Variants in FGD4 observed in about 807,000 individuals in gnomAD.
The protein encoded by FGD4 is FYVE, RhoGEF and PH domain containing 4, also known as FYVE, RhoGEF and PH domain-containing protein 4.
A neutral mutation model predicts 102.0 loss-of-function variants in FGD4; 42 were observed. That is an observed-to-expected ratio of 0.41 (90% CI 0.32 to 0.53). The LOEUF (loss-of-function observed/expected upper bound fraction) is 0.53, where lower values mean the gene tolerates loss of function less well. FGD4 is among the 20% of genes least tolerant of loss of function. FGD4 has a pLI of 0.21. For synonymous variants in FGD4, 380 were observed against 375.7 expected, an observed-to-expected ratio of 1.01 and a Z score of -0.13; for missense variants, 902 against 1,078.2, an observed-to-expected ratio of 0.84 and a Z score of 2.29.
intron 1 of FGD4, among the ~76,000 whole-genome samples, chr12:32,507,445 G>A (rs1938892529): frequency 6.6e-6 from 1 of 152,178 alleles, no homozygotes; most frequent in South Asian, 2.1e-4. Context: ...GTAATCTGGT[G>A]CAGTGAAAGT....
intron 1 of FGD4, among the ~76,000 whole-genome samples, chr12:32,549,794 G>A (rs1943509085): frequency 6.6e-6 from 1 of 152,150 alleles, no homozygotes; most frequent in South Asian, 2.1e-4. Flanking sequence ...ACACAAAACA[G>A]CATTCTTCTT....
intron 1 of FGD4, among the ~76,000 whole-genome samples, chr12:32,543,075 C>T (rs969788591): frequency 6.6e-5 from 10 of 152,152 alleles, no homozygotes; most frequent in African/African-American, 2.2e-4. Flanking sequence ...CTGACTGACT[C>T]ACCGTAAATC....
intron 1 of FGD4, among the ~76,000 whole-genome samples, chr12:32,511,508 T>A (rs1444429416): frequency 6.6e-6 from 1 of 152,066 alleles, no homozygotes; most frequent in Non-Finnish European, 1.5e-5. Flanking sequence ...TTCACCGTGT[T>A]AGCCAGGATG....
intron 1 of FGD4, among the ~76,000 whole-genome samples, chr12:32,508,099 G>T (rs1037045345): frequency 6.6e-6 from 1 of 152,170 alleles, no homozygotes; most frequent in African/African-American, 2.4e-5. Context: ...AGCAGAGGAG[G>T]GATGAAGGGT....
intron 1 of FGD4, among the ~76,000 whole-genome samples, chr12:32,560,774 C>G (rs1455395010): frequency 6.6e-6 from 1 of 151,762 alleles, no homozygotes; most frequent in East Asian, 1.9e-4. Flanking sequence ...CTCACTGCTT[C>G]CTCAACCTCC....
At position 32,564,056 on chromosome 12, in the gene FGD4, GGA is replaced by G. The variant is rs1458043645; in HGVS notation, c.167-77_167-76del. On this transcript the variant is annotated intron_variant, in intron 1 of 16. Coordinates refer to ENST00000534526, the MANE Select transcript of FGD4 (RefSeq NM_001370298.3). Reference sequence around the variant, plus strand: ...GGGGGAGGGGGAGGGAGAGGGAGTGGGAGAGGGGAAATTTAACTTATAAGGCA... The same window carrying G: ...GGGGGAGGGGGAGGGAGAGGGAGTGGGAGGGGAAATTTAACTTATAAGGCA... 309 of 1,341,558 alleles carry G rather than the reference GGA, an allele frequency of 2.3e-4. 1 individual carries two copies. In the African/African-American group the frequency reaches 4.2e-3, roughly 18 times the overall value. 83.1% of individuals were successfully genotyped at this position (1,341,558 alleles called of 1,614,324 possible). A position where few individuals can be genotyped will look rare whatever the true frequency, so the allele number is the denominator to read the frequency against.
intron 1 of FGD4, among the ~76,000 whole-genome samples, chr12:32,403,299 T>G (rs1430444924): frequency 1.3e-5 from 2 of 152,166 alleles, no homozygotes; most frequent in Non-Finnish European, 2.9e-5. Flanking sequence ...AAGCTCCCCA[T>G]TTAAGTGAAA....
chr12:32,524,386 A>ATCC (rs1232979204), intron 1 of FGD4, among the ~76,000 whole-genome samples: 41 of 128,100 alleles, frequency 3.2e-4, no homozygotes, highest in African/African-American at 1.3e-3. Context: ...ACAGAGGGAG[A>ATCC]CTCTGTCTCA....
rs116520819 is a variant in FGD4, at chr12:32,481,505, G to A, written c.166+81546G>A. Among the ~76,000 whole-genome samples, 739 of 152,118 alleles carry A rather than the reference G, an allele frequency of 4.9e-3. 6 individuals carry two copies. Among genetic ancestry groups the A allele is most frequent in the African/African-American group, 0.016 (672 of 41,484 alleles). On this transcript the variant is annotated intron_variant, in intron 1 of 16. Transcript: ENST00000534526. ...TATATCCAGACTTTAGACCTATGCC[G>A]TCCACTAGCCACAGATTGCTTTAAA...
At chr12:32,573,127 A>G (rs1475983251) in intron 2 of FGD4, among the ~76,000 whole-genome samples, 1 of 151,604 alleles carries the variant, frequency 6.6e-6, no homozygotes, top group Non-Finnish European at 1.5e-5. Flanking sequence ...CGGGAGTTTC[A>G]CTCTGTCGCA....
At chr12:32,622,295 A>G (rs755888559) in intron 11 of FGD4, among the ~76,000 whole-genome samples, 4 of 152,178 alleles carry the variant, frequency 2.6e-5, no homozygotes, top group African/African-American at 4.8e-5. Context: ...GTGTCTAACT[A>G]CAGGGTAGAT....
chr12:32,440,195 G>T (rs1336308652), intron 1 of FGD4, among the ~76,000 whole-genome samples: 2 of 152,168 alleles, frequency 1.3e-5, no homozygotes, highest in East Asian at 3.9e-4. Flanking sequence ...CCTGGATGCC[G>T]CTGATGCTCG....
chr12:32,626,692 T>C (rs1266722770), intron 14 of FGD4, among the ~76,000 whole-genome samples: 1 of 152,106 alleles, frequency 6.6e-6, no homozygotes, highest in Admixed American at 6.5e-5. Flanking sequence ...CAAGTAGATG[T>C]TCTGGCTTTG....
At chr12:32,575,643 C>G (rs1305094755) in intron 2 of FGD4, among the ~76,000 whole-genome samples, 1 of 152,200 alleles carries the variant, frequency 6.6e-6, no homozygotes, top group Non-Finnish European at 1.5e-5. Context: ...CACTAAACCT[C>G]TCTAAGCCTT....
chr12:32,538,292 T>C (rs1942485790), intron 1 of FGD4, among the ~76,000 whole-genome samples: 1 of 152,230 alleles, frequency 6.6e-6, no homozygotes, highest in Non-Finnish European at 1.5e-5. Flanking sequence ...AGGTAACTAA[T>C]AGATACTGGG....
At chr12:32,610,323 A>G (rs1392839702) in intron 8 of FGD4, among the ~76,000 whole-genome samples, 1 of 152,198 alleles carries the variant, frequency 6.6e-6, no homozygotes, top group African/African-American at 2.4e-5. Context: ...GATTTAGTAT[A>G]CACTGTAAGT....
chr12:32,599,627 G>A (rs1390694232), intron 5 of FGD4, among the ~76,000 whole-genome samples: 7 of 111,884 alleles, frequency 6.3e-5, no homozygotes, highest in South Asian at 6.9e-4. Flanking sequence ...GGCTCACTGC[G>A]ACCTCCTACT....
intron 1 of FGD4, among the ~76,000 whole-genome samples, chr12:32,452,525 C>T (rs1476507256): frequency 6.6e-6 from 1 of 152,188 alleles, no homozygotes; most frequent in East Asian, 1.9e-4. Flanking sequence ...TGCAGTTACA[C>T]TGCAAAGTAA....
intron 1 of FGD4, among the ~76,000 whole-genome samples, chr12:32,435,642 T>C (rs146027831): frequency 6.6e-5 from 10 of 152,260 alleles, no homozygotes; most frequent in Admixed American, 5.9e-4. Context: ...CACTTTTTGT[T>C]AGTGATTACA....
Sources: gnomAD v4.1 joint callset for allele counts (sites outside exome capture counted in the v4.1 genomes callset) on GRCh38, gnomAD v4.1.1 for gene constraint, MANE v1.5 for transcripts, NCBI Gene and HGNC (gene_info 2026-07-23, HGNC 2026-07-21) for gene names.